Variants in YTHDF1 observed in about 807,000 individuals in gnomAD.
The protein encoded by YTHDF1 is YTH domain-containing family protein 1.
YTHDF1 carries 16 observed loss-of-function variants against 49.1 expected under a neutral mutation model. The observed-to-expected ratio is 0.33, with a 90% CI of 0.22 to 0.49. The LOEUF is 0.49. Ranked by LOEUF, YTHDF1 falls within the 20% of genes least tolerant of loss-of-function variation. The pLI is 0.99. For missense variants in YTHDF1, 621 were observed against 744.3 expected (o/e 0.83, Z 1.93); for synonymous variants, 313 against 290.1 (o/e 1.08, Z -0.80).
At chr20:63,204,321 C>T (rs2066534378) in intron 3 of YTHDF1, among the ~76,000 whole-genome samples, 1 of 152,204 alleles carries the variant, frequency 6.6e-6, no homozygotes, top group African/African-American at 2.4e-5. Flanking sequence ...CCTGGGCGCC[C>T]ACCTCTGGGC....
At chr20:63,205,855 T>C (rs1307971784) in intron 3 of YTHDF1, among the ~76,000 whole-genome samples, 1 of 152,216 alleles carries the variant, frequency 6.6e-6, no homozygotes, top group Non-Finnish European at 1.5e-5. Context: ...CCCCGTAATA[T>C]AAATTTGAGA....
In YTHDF1 at chr20:63,202,914, T is replaced by C; in HGVS notation, c.1026A>G (p.Gly342=). 6.2e-7 allele frequency: 1 copy of C among 1,614,048 alleles called. No homozygotes were observed. The highest frequency in any genetic ancestry group is 8.5e-7 in the Non-Finnish European group (1 of 1,180,044). Residue 342 remains glycine, a synonymous_variant, in exon 4 of 5, where the codon GGA becomes GGG. Coordinates refer to ENST00000370339, the MANE Select transcript of YTHDF1 (RefSeq NM_017798.4). ...GAGAGTTGCTATCGCTGCCAGCCCCTCCGCTCTGCCCAAACGCCGCGTTTC... is the reference window on the plus strand; with the variant it reads ...GAGAGTTGCTATCGCTGCCAGCCCCCCCGCTCTGCCCAAACGCCGCGTTTC... The part of the protein sequence containing the change: ...RNRNAAFGQS[G]GAGSDSNSPG...
chr20:63,210,718 G>A (rs1301870816), intron 3 of YTHDF1, among the ~76,000 whole-genome samples: 1 of 152,140 alleles, frequency 6.6e-6, no homozygotes, highest in Admixed American at 6.6e-5. Flanking sequence ...AGCCAGGGAG[G>A]TGGAGGCTGC....
At chr20:63,200,532 G>C (rs1190054895) in intron 4 of YTHDF1, among the ~76,000 whole-genome samples, 2 of 152,138 alleles carry the variant, frequency 1.3e-5, no homozygotes. Context: ...CTCCACCAGC[G>C]GCTCTGTTGG....
intron 1 of YTHDF1, 104 bp downstream of exon 1, chr20:63,215,762 G>C: frequency 7.3e-7 from 1 of 1,379,184 alleles, no homozygotes; most frequent in Non-Finnish European, 9.4e-7. Flanking sequence ...GTCCCGCCTG[G>C]GCCCGGCCTC....
At chr20:63,201,885 A>C (rs992167450) in intron 4 of YTHDF1, among the ~76,000 whole-genome samples, 1 of 152,246 alleles carries the variant, frequency 6.6e-6, no homozygotes. Context: ...TGCTTCGTGA[A>C]TATCACCTAA....
At position 63,196,594 on chromosome 20, in the gene YTHDF1, A is replaced by T; in HGVS notation, c.*114T>A. 1 of 1,257,144 alleles carries T rather than the reference A, an allele frequency of 8.0e-7. No homozygotes were observed. Among genetic ancestry groups the T allele is most frequent in the Non-Finnish European group, 1.1e-6 (1 of 890,688 alleles). 77.9% of individuals were successfully genotyped at this position (1,257,144 alleles called of 1,614,324 possible). ...GGCAAAAATCAACGACAAGAAAGGC[A>T]AAGATGCAACACTCAACCCCCGCAC... On this transcript the variant is annotated 3_prime_UTR_variant, in exon 5 of 5. Coordinates refer to ENST00000370339, the MANE Select transcript of YTHDF1 (RefSeq NM_017798.4).
At chr20:63,200,578 T>C (rs1485868859) in intron 4 of YTHDF1, among the ~76,000 whole-genome samples, 2 of 152,180 alleles carry the variant, frequency 1.3e-5, no homozygotes, top group Non-Finnish European at 2.9e-5. Context: ...TGAGGAACAC[T>C]TGGATCTTGC....
chr20:63,200,927 C>T (rs1035243461), intron 4 of YTHDF1, among the ~76,000 whole-genome samples: 6 of 152,072 alleles, frequency 3.9e-5, no homozygotes, highest in Non-Finnish European at 8.8e-5. Context: ...TGTCTGTAAT[C>T]CCAGCTACCT....
rs1403520267 is a variant in YTHDF1 at position 63,202,949 on chromosome 20, G to A, written c.991C>T (p.Pro331Ser). 2 of 1,613,990 alleles carry A rather than the reference G, an allele frequency of 1.2e-6. No homozygotes were observed. The highest frequency in any genetic ancestry group is 1.1e-5 in the South Asian group (1 of 91,080). ...QQPPQTRWVA[P>S]RNRNAAFGQS... Reference sequence around the variant, plus strand: ...CCAAACGCCGCGTTTCTGTTGCGTGGGGCAACCCAGCGGGTCTGGGGTGGC... The same window carrying A: ...CCAAACGCCGCGTTTCTGTTGCGTGAGGCAACCCAGCGGGTCTGGGGTGGC... The change falls in exon 4 of 5, where the codon CCA (proline) becomes TCA (serine). Residue 331 changes from proline to serine, a missense_variant. By Grantham distance (74) the Pro-to-Ser change is moderately conservative. Coordinates refer to ENST00000370339, the MANE Select transcript of YTHDF1 (RefSeq NM_017798.4).
chr20:63,201,057 A>C (rs2066515022), intron 4 of YTHDF1, among the ~76,000 whole-genome samples: 1 of 152,000 alleles, frequency 6.6e-6, no homozygotes, highest in Non-Finnish European at 1.5e-5. Flanking sequence ...AAAAAAAAAA[A>C]GACCTAAAAC....
intron 3 of YTHDF1, among the ~76,000 whole-genome samples, chr20:63,210,479 G>A (rs529907647): frequency 5.5e-4 from 84 of 152,234 alleles, no homozygotes; most frequent in Non-Finnish European, 8.5e-4. Flanking sequence ...CCCCGAGCAG[G>A]AAAAGCCTCA....
intron 2 of YTHDF1, among the ~76,000 whole-genome samples, chr20:63,215,306 C>T (rs1266293383): frequency 6.6e-6 from 1 of 152,214 alleles, no homozygotes. Context: ...CCACCCGGCT[C>T]TCCTACCTCC....
At chr20:63,196,823 G>A (rs188246611) in intron 4 of YTHDF1, 89 bp from the exon 5 acceptor site, 2 of 1,516,594 alleles carry the variant, frequency 1.3e-6, no homozygotes, top group Admixed American at 1.8e-5. Context: ...CCCCTTAGCA[G>A]CACCTGCAAA....
At chr20:63,204,561 C>G (rs912659030) in intron 3 of YTHDF1, among the ~76,000 whole-genome samples, 1 of 152,246 alleles carries the variant, frequency 6.6e-6, no homozygotes, top group African/African-American at 2.4e-5. Flanking sequence ...CAAGAGAAAG[C>G]ATCCGAAGTG....
In YTHDF1 at chr20:63,201,307, A is replaced by G. The variant is rs557307176; in HGVS notation, c.1653+980T>C. Among the ~76,000 whole-genome samples the G allele has an allele frequency of 2.0e-5, 3 of 152,344 alleles. No homozygotes were observed. In the East Asian group the frequency reaches 5.8e-4, roughly 29 times the overall value. ...TAGGACACTTGGTGCTCACAGGTGA[A>G]TAATTCCTTTAACATAGAGAACTGA... On this transcript the variant is annotated intron_variant, in intron 4 of 4. Coordinates refer to ENST00000370339, the MANE Select transcript of YTHDF1 (RefSeq NM_017798.4).
intron 1 of YTHDF1, 33 bp downstream of exon 1, chr20:63,215,833 C>A (rs1221940352): frequency 1.3e-5 from 19 of 1,453,996 alleles, no homozygotes; most frequent in East Asian, 3.1e-5. Context: ...CGCCTCGGCC[C>A]CGGCCGCGGC....
At chr20:63,212,809 AG>A (rs2066581442) in intron 3 of YTHDF1, among the ~76,000 whole-genome samples, 1 of 152,212 alleles carries the variant, frequency 6.6e-6, no homozygotes, top group South Asian at 2.1e-4. Flanking sequence ...GATGGGGAGA[AG>A]GAGTTGCTAA....
At position 63,203,884 on chromosome 20, in the gene YTHDF1, G is replaced by T; in HGVS notation, c.133-77C>A. ...AGAATGCCAACCGCCTCTTGCTTAAGCACAGGTGGAGCAAAAACAAAACCT... is the reference window on the plus strand; with the variant it reads ...AGAATGCCAACCGCCTCTTGCTTAATCACAGGTGGAGCAAAAACAAAACCT... On this transcript the variant is annotated intron_variant, in intron 3 of 4. Transcript: ENST00000370339. The surrounding 1 kb of genome is among the most constrained non-coding windows in gnomAD (Gnocchi z 4.4). 7.0e-7 allele frequency: 1 copy of T among 1,421,672 alleles called. No homozygotes were observed. The highest frequency in any genetic ancestry group is 9.4e-7 in the Non-Finnish European group (1 of 1,059,714). The allele number at this position is 1,421,672 out of a possible 1,614,324, so 88.1% of individuals were successfully genotyped here.
Sources: gnomAD v4.1 joint callset for allele counts (sites outside exome capture counted in the v4.1 genomes callset) on GRCh38, gnomAD v4.1.1 for gene constraint, Gnocchi (gnomAD v3.1) non-coding constraint, MANE v1.5 for transcripts, NCBI Gene and HGNC (gene_info 2026-07-23, HGNC 2026-07-21) for gene names.